The following INF2 variants were observed in gnomAD, a reference collection of about 807,000 sequenced individuals.
INF2 encodes the protein inverted formin-2.
Under a neutral mutation model 123.5 loss-of-function variants are expected in INF2, and 43 were observed. The observed-to-expected ratio is 0.35, with a 90% CI of 0.27 to 0.45. INF2 has a LOEUF of 0.45. INF2 is among the 20% of genes least tolerant of loss of function. The probability of loss-of-function intolerance (pLI) is 1.00; values close to 1 mark genes in which losing one functional copy is unlikely to be tolerated. For missense variants in INF2, 1,453 were observed against 1,682.7 expected, an observed-to-expected ratio of 0.86 and a Z score of 2.39; for synonymous variants, 851 against 745.0, an observed-to-expected ratio of 1.14 and a Z score of -2.32.
At chr14:104,691,714 A>G (rs1820127568) in intron 1 of INF2, among the ~76,000 whole-genome samples, 1 of 152,066 alleles carries the variant, frequency 6.6e-6, no homozygotes, top group South Asian at 2.1e-4. Context: ...CAACGGTGGG[A>G]AGGAGAGAGG....
At chr14:104,682,256 C>G (rs1017968502) in intron 1 of INF2, among the ~76,000 whole-genome samples, 1 of 152,120 alleles carries the variant, frequency 6.6e-6, no homozygotes, top group African/African-American at 2.4e-5. Flanking sequence ...CAGGGAGGGC[C>G]TAGGGGCTGG....
intron 6 of INF2, among the ~76,000 whole-genome samples, 178 bp downstream of exon 6, chr14:104,706,354 G>A (rs959718956): frequency 3.3e-5 from 5 of 152,198 alleles, no homozygotes; most frequent in African/African-American, 1.2e-4. Context: ...GGGTTGGAAA[G>A]GGAGGTGGCG....
intron 1 of INF2, among the ~76,000 whole-genome samples, chr14:104,700,461 G>A (rs939266028): frequency 6.6e-6 from 1 of 152,142 alleles, no homozygotes; most frequent in Non-Finnish European, 1.5e-5. Context: ...CTAAATATAA[G>A]ATCTAAGCCA....
At chr14:104,698,032 G>C (rs573483610) in intron 1 of INF2, among the ~76,000 whole-genome samples, 1 of 152,388 alleles carries the variant, frequency 6.6e-6, no homozygotes, top group African/African-American at 2.4e-5. Flanking sequence ...GCCGGCTGTA[G>C]AAAAGATTGC....
intron 20 of INF2, 76 bp from the exon 21 acceptor site, chr14:104,714,127 C>A (rs1031431400): frequency 7.8e-7 from 1 of 1,285,960 alleles, no homozygotes; most frequent in Non-Finnish European, 1.0e-6. Flanking sequence ...AGGTAGACAG[C>A]GGAATGGAGG....
chr14:104,691,627 G>A (rs1241040266), intron 1 of INF2, among the ~76,000 whole-genome samples: 1 of 152,230 alleles, frequency 6.6e-6, no homozygotes, highest in African/African-American at 2.4e-5. Flanking sequence ...ATAGGAGCCA[G>A]TCTCTGGAGG....
rs763289699 is a variant in INF2, at chr14:104,709,391, G to C, written c.2052+8G>C. On this transcript the variant is annotated splice_region_variant and intron_variant, in intron 11 of 22. Transcript: ENST00000392634. Reference sequence around the variant, plus strand: ...CTTCCCGAGAAGCACGAGGTAAGAGGACCACCCCCACACCCCACCCCCAGT... The same window carrying C: ...CTTCCCGAGAAGCACGAGGTAAGAGCACCACCCCCACACCCCACCCCCAGT... 2.5e-6 allele frequency: 4 copies of C among 1,604,972 alleles called. No homozygotes were observed. In the South Asian group the frequency reaches 4.4e-5, roughly 18 times the overall value.
intron 1 of INF2, among the ~76,000 whole-genome samples, chr14:104,698,835 G>A (rs887933479): frequency 6.6e-6 from 1 of 152,202 alleles, no homozygotes; most frequent in South Asian, 2.1e-4. Context: ...TGTCTATGCC[G>A]GGCCGCAGCC....
chr14:104,714,419 T>C lies in INF2; in HGVS notation c.3257T>C (p.Leu1086Pro), dbSNP rs368869709. ...TGGTATGTGGATGCCAGCGATGTCC[T>C]AACCACTGAGGATCCCCAGTGCCCC... ...SSWYVDASDV[L>P]TTEDPQCPQP... Residue 1086 changes from leucine to proline, a missense_variant, in exon 21 of 23, where the codon CTA becomes CCA. Physicochemically the swap from Leu to Pro is moderately conservative, Grantham distance 98. Around this residue, in one of 8 missense-constraint regions of INF2, gnomAD observed 344 missense variants for 333.1 expected, o/e 1.03. Transcript: ENST00000392634. 4.5e-5 allele frequency: 72 copies of C among 1,607,810 alleles called. No homozygotes were observed. Among genetic ancestry groups the C allele is most frequent in the Non-Finnish European group, 5.9e-5 (70 of 1,177,604 alleles).
At chr14:104,713,114 G>C in intron 18 of INF2, 93 bp from the exon 19 acceptor site, 6 of 1,607,088 alleles carry the variant, frequency 3.7e-6, no homozygotes, top group Middle Eastern at 2.3e-4. Flanking sequence ...TGTGGGCCCT[G>C]CGCTGCTGCG....
intron 1 of INF2, among the ~76,000 whole-genome samples, chr14:104,696,735 G>A (rs900494244): frequency 2.2e-4 from 34 of 152,230 alleles, no homozygotes; most frequent in Non-Finnish European, 3.8e-4. Flanking sequence ...TGGGGCTCTC[G>A]GAGGAGCTAA....
rs756038752 is a variant in INF2, at chr14:104,713,641, C to G, written c.3040+35C>G. On this transcript the variant is annotated intron_variant, in intron 20 of 22. Coordinates refer to ENST00000392634, the MANE Select transcript of INF2 (RefSeq NM_022489.4). ...TCTCCCACTGCCTCCTCATGGTCCC[C>G]TTGCCACTGTCCCTACCCTGTGCCT... is the stretch of plus-strand genomic sequence containing the variant. 23 of 1,604,014 alleles carry G rather than the reference C, an allele frequency of 1.4e-5. No individual in the cohort carries two copies. In the Middle Eastern group the frequency reaches 6.7e-4, roughly 46 times the overall value.
chr14:104,699,413 GT>G lies in INF2; in HGVS notation c.-9-1943del. The G allele has an allele frequency of 6.1e-6, 6 of 985,392 alleles. No individual in the cohort carries two copies. Among genetic ancestry groups the G allele is most frequent in the Non-Finnish European group, 7.2e-6 (6 of 829,920 alleles). 61.0% of individuals were successfully genotyped at this position (985,392 alleles called of 1,614,324 possible). A position where few individuals can be genotyped will look rare whatever the true frequency, so the allele number is the denominator to read the frequency against. ...AGGCCCGGCTGCCTGGCTCTTCATG[GT>G]GGTGGGAGCAACCCTACTGCCACCA... On this transcript the variant is annotated intron_variant, in intron 1 of 22. Transcript: ENST00000392634. The surrounding 1 kb of genome is among the most constrained non-coding windows in gnomAD (Gnocchi z 4.7).
rs111589086 is a variant in INF2 at position 104,707,814 on chromosome 14, C to T, written c.1547C>T (p.Pro516Leu). 1.5e-3 allele frequency: 2,396 copies of T among 1,558,064 alleles called. 42 individuals are homozygous for T. In the African/African-American group the frequency reaches 0.028, roughly 18 times the overall value. The change falls in exon 8 of 23, where the codon CCA (proline) becomes CTA (leucine). Residue 516 changes from proline (P) to leucine (L), a missense_variant. By Grantham distance (98) the Pro-to-Leu change is moderately conservative. Coordinates refer to ENST00000392634, the MANE Select transcript of INF2 (RefSeq NM_022489.4). The stretch of plus-strand genomic sequence containing the variant: ...CCTGGTATGGGCTGGGGCCCTCCTC[C>T]ACCCCCACCTCCACTACTGCCCTGC... ...LLPGMGWGPP[P>L]PPPPLLPCTC...
Position 104,701,616 on chromosome 14 carries a change from T to G in INF2, c.251T>G (p.Leu84Arg). 1 of 1,603,874 alleles carries G rather than the reference T, an allele frequency of 6.2e-7. No individual in the cohort carries two copies. Among genetic ancestry groups the G allele is most frequent in the Non-Finnish European group, 8.5e-7 (1 of 1,177,950 alleles). The change falls in exon 2 of 23, where the codon CTG becomes CGG. Residue 84 changes from leucine (L) to arginine (R), a missense_variant. Leu to Arg is a moderately radical substitution (Grantham distance 102). Transcript: ENST00000392634. ...CTGCTGCTGGAGGCGCTGGCGCGGC[T>G]GTCGGGCCGCGGCGTTGCACGTATC... is the stretch of plus-strand genomic sequence containing the variant. ...LDLLLEALAR[L>R]SGRGVARISD...
upstream of INF2, among the ~76,000 whole-genome samples, chr14:104,687,123 A>C (rs1373610718): frequency 1.3e-5 from 2 of 152,166 alleles, no homozygotes; most frequent in South Asian, 4.1e-4. The surrounding 1 kb of genome is among the most constrained non-coding windows in gnomAD (Gnocchi z 5.6). Flanking sequence ...GGGAGGCTCC[A>C]GGCAGGCCAT....
intron 5 of INF2, among the ~76,000 whole-genome samples, chr14:104,705,312 G>A (rs1889731906): frequency 6.6e-6 from 1 of 152,194 alleles, no homozygotes; most frequent in Admixed American, 6.5e-5. Context: ...AACTACTCAG[G>A]AGGCTGAGGC....
Position 104,707,779 on chromosome 14 carries a change from ACC to A in INF2, c.1515_1516del (p.Leu506AlafsTer73). On this transcript the variant is annotated frameshift_variant, in exon 8 of 23. Coordinates refer to ENST00000392634, the MANE Select transcript of INF2 (RefSeq NM_022489.4). LOFTEE classifies it high-confidence loss of function. ...GCTTGGGATGCCCGCCCCCACCCCC[ACC>A]CCTGCTGCCTGGTATGGGCTGGGGC... ...PGLGCPPPPP[P>X]LLPGMGWGPP... 2.9e-6 allele frequency: 1 copy of A among 349,376 alleles called. No homozygotes were observed. The highest frequency in any genetic ancestry group is 4.6e-6 in the Non-Finnish European group (1 of 218,700). 21.6% of individuals were successfully genotyped at this position (349,376 alleles called of 1,614,324 possible).
At chr14:104,689,072 G>C (rs570283879), upstream of INF2, among the ~76,000 whole-genome samples, 19 of 152,368 alleles carry the variant, frequency 1.2e-4, no homozygotes, top group East Asian at 3.7e-3. Context: ...CCCATCAAGG[G>C]TGGAAGGGGG....
Sources: allele counts gnomAD v4.1 joint callset (sites outside exome capture counted in the v4.1 genomes callset), GRCh38; gene constraint gnomAD v4.1.1; regional missense constraint gnomAD v4.1.1; non-coding constraint Gnocchi (gnomAD v3.1); transcripts MANE v1.5; gene names NCBI Gene and HGNC (gene_info 2026-07-23, HGNC 2026-07-21).